Variants in TP63 observed in about 807,000 individuals in gnomAD.
TP63 encodes the protein tumor protein 63.
In TP63, 17 loss-of-function variants were observed where a neutral mutation model predicts 82.8. The observed-to-expected ratio is 0.21, with a 90% CI of 0.14 to 0.31. The LOEUF is 0.31. Ranked by LOEUF, TP63 falls within the 10% of genes least tolerant of loss-of-function variation. The pLI, the probability that TP63 is intolerant of heterozygous loss-of-function variation, is 1.00. For missense variants in TP63, 648 were observed against 895.3 expected (o/e 0.72, Z 3.52); for synonymous variants, 330 against 321.7 (o/e 1.03, Z -0.28).
intron 4 of TP63, among the ~76,000 whole-genome samples, chr3:189,844,649 TCAA>T (rs1193379630): frequency 3.3e-5 from 5 of 152,324 alleles, no homozygotes; most frequent in Non-Finnish European, 7.4e-5. Flanking sequence ...AAAATGTTTT[TCAA>T]GTGAGTTTTT....
intron 11 of TP63, among the ~76,000 whole-genome samples, chr3:189,888,179 A>T (rs1191164639): frequency 6.6e-6 from 1 of 152,168 alleles, no homozygotes; most frequent in East Asian, 1.9e-4. Context: ...TTTTAATGAG[A>T]TAGAGGTGTG....
At chr3:189,817,917 C>A (rs920451699) in intron 4 of TP63, among the ~76,000 whole-genome samples, 3 of 151,310 alleles carry the variant, frequency 2.0e-5, no homozygotes, top group Admixed American at 1.3e-4. Context: ...AAATTTACTC[C>A]ATTTAAAAAA....
the TP63 span, among the ~76,000 whole-genome samples, chr3:189,605,769 C>G: frequency 6.6e-6 from 1 of 151,238 alleles, no homozygotes; most frequent in South Asian, 2.1e-4. Flanking sequence ...CCATTAATGG[C>G]TAGAAAAAAA....
chr3:189,711,818 A>G (rs1305157853), intron 1 of TP63, among the ~76,000 whole-genome samples: 1 of 152,188 alleles, frequency 6.6e-6, no homozygotes, highest in Non-Finnish European at 1.5e-5. Flanking sequence ...ATCTTATACC[A>G]GCTGGATCCT....
At chr3:189,596,802 C>T in the TP63 span, among the ~76,000 whole-genome samples, 3 of 152,158 alleles carry the variant, frequency 2.0e-5, no homozygotes, top group Non-Finnish European at 4.4e-5. Flanking sequence ...TTGCTCTTTG[C>T]AGTAAATCTT....
At chr3:189,662,478 T>C (rs1210568744) in intron 1 of TP63, among the ~76,000 whole-genome samples, 1 of 152,032 alleles carries the variant, frequency 6.6e-6, no homozygotes, top group Non-Finnish European at 1.5e-5. Context: ...ACTTGCTATA[T>C]GGTTAAGTAT....
chr3:189,602,378 C>A, the TP63 span, among the ~76,000 whole-genome samples: 23,123 of 152,020 alleles, frequency 0.15, 2,520 homozygotes, highest in East Asian at 0.39. Context: ...CCCAGACTTT[C>A]TGGGGTGATC....
intron 11 of TP63, among the ~76,000 whole-genome samples, chr3:189,887,862 T>TG (rs66495717): frequency 1.2e-5 from 1 of 81,226 alleles, no homozygotes; most frequent in African/African-American, 4.5e-5. Context: ...TTTGGTTTTT[T>TG]TTTTTTTTTT....
chr3:189,877,376 G>A (rs1469378924), intron 10 of TP63, among the ~76,000 whole-genome samples: 5 of 152,120 alleles, frequency 3.3e-5, no homozygotes, highest in African/African-American at 4.8e-5. Flanking sequence ...ATTTAGCAAC[G>A]TTTTGACTTC....
rs573795944 is a variant in TP63, at chr3:189,711,365, C to CT, written c.63-26372dup. Among the ~76,000 whole-genome samples the CT allele has an allele frequency of 6.8e-3, 1,034 of 152,268 alleles. 4 individuals are homozygous for CT. The highest frequency in any genetic ancestry group is 0.01 in the Non-Finnish European group (711 of 68,002). ...TGTGCTGGGTGAGGTTCTACCTCAT[C>CT]TTTAGCAAGTATATTTTTGTGTTTA... On this transcript the variant is annotated intron_variant, in intron 1 of 13. Coordinates refer to ENST00000264731, the MANE Select transcript of TP63 (RefSeq NM_003722.5).
At chr3:189,622,801 C>A in the TP63 span, among the ~76,000 whole-genome samples, 1 of 151,934 alleles carries the variant, frequency 6.6e-6, no homozygotes, top group Non-Finnish European at 1.5e-5. Context: ...TCTTAGCTTC[C>A]TCACACATGA....
chr3:189,649,807 T>A (rs942152216), intron 1 of TP63, among the ~76,000 whole-genome samples: 1 of 145,980 alleles, frequency 6.9e-6, no homozygotes, highest in Non-Finnish European at 1.5e-5. Flanking sequence ...AAGATCAGAG[T>A]GGCTGGAACA....
At chr3:189,631,598 A>C (rs188027528) in intron 1 of TP63, 21 bp downstream of exon 1, 1 of 1,612,580 alleles carries the variant, frequency 6.2e-7, no homozygotes, top group East Asian at 2.2e-5. Flanking sequence ...ATGTGACATA[A>C]CTTCTCTCAA....
At chr3:189,684,458 G>GT in intron 1 of TP63, among the ~76,000 whole-genome samples, 1 of 152,254 alleles carries the variant, frequency 6.6e-6, no homozygotes, top group Admixed American at 6.5e-5. Context: ...TTGCATGTAA[G>GT]TATGCGTAAA....
At position 189,666,456 on chromosome 3, in the gene TP63, CTT is replaced by C. The variant is rs1275080408; in HGVS notation, c.62+34880_62+34881del. On this transcript the variant is annotated intron_variant, in intron 1 of 13. Transcript: ENST00000264731. ...AACAAATACTAATTAATGAAATAGA[CTT>C]ATACTGTAATTATGACTTTTTATAT... is the stretch of plus-strand genomic sequence containing the variant. Among the ~76,000 whole-genome samples the C allele has an allele frequency of 9.9e-5, 15 of 152,112 alleles. No individual in the cohort carries two copies. In the South Asian group the frequency reaches 2.1e-3, roughly 21 times the overall value.
In TP63 at chr3:189,894,399, G is replaced by A. The variant is rs774550896; in HGVS notation, c.1940G>A (p.Arg647His). Residue 647 changes from arginine (R) to histidine (H), a missense_variant, in exon 14 of 14, where the codon CGC becomes CAC. Coordinates refer to ENST00000264731, the MANE Select transcript of TP63 (RefSeq NM_003722.5). ...RVIDAVRFTL[R>H]QTISFPPRDE... ...ATTGATGCTGTGCGATTCACCCTCC[G>A]CCAGACCATCTCTTTCCCACCCCGA... is the stretch of plus-strand genomic sequence containing the variant. 3.7e-6 allele frequency: 6 copies of A among 1,613,636 alleles called. No individual in the cohort carries two copies. Among genetic ancestry groups the A allele is most frequent in the African/African-American group, 1.3e-5 (1 of 74,772 alleles).
At chr3:189,761,239 T>A (rs1722547768) in intron 3 of TP63, among the ~76,000 whole-genome samples, 1 of 152,340 alleles carries the variant, frequency 6.6e-6, no homozygotes. Context: ...GATTTTGTTT[T>A]CTGTTGCATT....
intron 3 of TP63, among the ~76,000 whole-genome samples, chr3:189,777,944 C>T (rs928564810): frequency 1.4e-5 from 2 of 139,202 alleles, no homozygotes; most frequent in Non-Finnish European, 3.0e-5. Flanking sequence ...CAACTTCCGT[C>T]TTCCGGGTTC....
intron 1 of TP63, among the ~76,000 whole-genome samples, chr3:189,725,735 A>G (rs76214228): frequency 0.05 from 7,584 of 152,212 alleles, 275 homozygotes; most frequent in East Asian, 0.14. Flanking sequence ...CTTCAGTGCA[A>G]CACATACATA....
Sources: gnomAD v4.1 joint callset for allele counts (sites outside exome capture counted in the v4.1 genomes callset) on GRCh38, gnomAD v4.1.1 for gene constraint, MANE v1.5 for transcripts, NCBI Gene and HGNC (gene_info 2026-07-23, HGNC 2026-07-21) for gene names.